GALNTL6: variants seen among roughly 807,000 people sequenced by gnomAD.
GALNTL6 encodes polypeptide N-acetylgalactosaminyltransferase-like 6.
Under a neutral mutation model 73.7 loss-of-function variants are expected in GALNTL6, and 46 were observed. The observed-to-expected ratio is 0.62, with a 90% CI of 0.49 to 0.80. The LOEUF is 0.80. GALNTL6 is among the 30% of genes least tolerant of loss of function. The pLI is 0.00. For synonymous variants in GALNTL6, 259 were observed against 263.7 expected (o/e 0.98, Z 0.17); for missense variants, 604 against 755.0 (o/e 0.80, Z 2.34).
intron 5 of GALNTL6, among the ~76,000 whole-genome samples, chr4:172,365,814 A>G (rs983160589): frequency 1.3e-5 from 2 of 152,208 alleles, no homozygotes; most frequent in Non-Finnish European, 2.9e-5. Context: ...CTTGACAAAA[A>G]TCAAAGACAT....
intron 2 of GALNTL6, among the ~76,000 whole-genome samples, chr4:172,062,415 G>T (rs1006409457): frequency 3.9e-5 from 6 of 152,110 alleles, no homozygotes; most frequent in African/African-American, 1.2e-4. Context: ...AAGCTCAACT[G>T]TGCTAATATT....
chr4:172,865,123 G>C (rs1171906974), intron 7 of GALNTL6, among the ~76,000 whole-genome samples: 1 of 152,206 alleles, frequency 6.6e-6, no homozygotes, highest in Admixed American at 6.5e-5. Flanking sequence ...AAGCAGAGCA[G>C]AAAATTCATT....
rs143377083 is a variant in GALNTL6, at chr4:172,382,011, C to A, written c.553+33322C>A. Among the ~76,000 whole-genome samples, 860 of 152,234 alleles carry A rather than the reference C, an allele frequency of 5.6e-3. 8 individuals are homozygous for A. Among genetic ancestry groups the A allele is most frequent in the African/African-American group, 0.019 (803 of 41,528 alleles). On this transcript the variant is annotated intron_variant, in intron 5 of 12. Transcript: ENST00000506823. ...TGAGATGGAGTTTCGCTCTTGTTGCCCAGGCTGGAGTGCAATGGCACGATC... is the reference window on the plus strand; with the variant it reads ...TGAGATGGAGTTTCGCTCTTGTTGCACAGGCTGGAGTGCAATGGCACGATC...
intron 5 of GALNTL6, among the ~76,000 whole-genome samples, chr4:172,730,129 A>G (rs1293581625): frequency 6.6e-6 from 1 of 152,046 alleles, no homozygotes; most frequent in African/African-American, 2.4e-5. Flanking sequence ...CAGTTTTTTG[A>G]TGGAGTCTTT....
intron 2 of GALNTL6, among the ~76,000 whole-genome samples, chr4:172,160,478 A>G (rs1018750253): frequency 1.5e-4 from 23 of 152,112 alleles, no homozygotes; most frequent in Non-Finnish European, 3.1e-4. Context: ...TGTGGGCCTT[A>G]GAAGATCTTA....
intron 2 of GALNTL6, among the ~76,000 whole-genome samples, chr4:172,223,273 A>G (rs1220549418): frequency 1.3e-5 from 2 of 152,074 alleles, no homozygotes; most frequent in Non-Finnish European, 2.9e-5. Flanking sequence ...AAATAACAAG[A>G]TAATTCTTTC....
intron 5 of GALNTL6, among the ~76,000 whole-genome samples, chr4:172,575,895 T>A (rs887029574): frequency 4.6e-5 from 7 of 152,176 alleles, no homozygotes; most frequent in African/African-American, 1.7e-4. Flanking sequence ...TGTGTGATGT[T>A]GGTTAATTAT....
chr4:171,934,745 G>A (rs995070907), intron 2 of GALNTL6, among the ~76,000 whole-genome samples: 2 of 152,064 alleles, frequency 1.3e-5, no homozygotes, highest in African/African-American at 2.4e-5. Flanking sequence ...TTTCACTAAC[G>A]AAGTGGTTCA....
At chr4:172,738,736 T>C (rs1190763200) in intron 5 of GALNTL6, among the ~76,000 whole-genome samples, 2 of 152,124 alleles carry the variant, frequency 1.3e-5, no homozygotes, top group African/African-American at 2.4e-5. Flanking sequence ...ACAGCTTGGT[T>C]TTATACATTT....
At chr4:171,909,355 G>C (rs113625938) in intron 2 of GALNTL6, among the ~76,000 whole-genome samples, 1,998 of 152,134 alleles carry the variant, frequency 0.013, 50 homozygotes, top group African/African-American at 0.045. Flanking sequence ...GGTTATAAAA[G>C]AGAGAAACTC....
intron 8 of GALNTL6, among the ~76,000 whole-genome samples, chr4:172,920,308 T>G (rs192890145): frequency 1.0e-3 from 159 of 152,338 alleles, no homozygotes; most frequent in Middle Eastern, 0.01. Context: ...TCCAGATTTC[T>G]GTGAATAAAG....
intron 2 of GALNTL6, among the ~76,000 whole-genome samples, chr4:171,905,919 G>T (rs1055503743): frequency 6.6e-6 from 1 of 150,474 alleles, no homozygotes; most frequent in African/African-American, 2.5e-5. Flanking sequence ...AATGAAGGCA[G>T]AAATAAAGAT....
At chr4:172,988,946 CA>C (rs1217579391) in intron 10 of GALNTL6, among the ~76,000 whole-genome samples, 2 of 152,358 alleles carry the variant, frequency 1.3e-5, no homozygotes, top group East Asian at 1.9e-4. Context: ...AAGTCTGCTG[CA>C]GGGGCCTGCA....
chr4:172,667,994 C>G (rs1229623775), intron 5 of GALNTL6: 1 of 152,176 alleles, frequency 6.6e-6, no homozygotes, highest in East Asian at 1.9e-4. Flanking sequence ...TTGGGATCTA[C>G]TTATGATAGC....
At chr4:172,357,155 C>T (rs1202793630) in intron 5 of GALNTL6, among the ~76,000 whole-genome samples, 1 of 152,062 alleles carries the variant, frequency 6.6e-6, no homozygotes, top group Non-Finnish European at 1.5e-5. Flanking sequence ...CGCCTTCCTC[C>T]TGGAGAAAAC....
At chr4:172,808,015 G>T (rs969230997) in intron 5 of GALNTL6, among the ~76,000 whole-genome samples, 1 of 152,046 alleles carries the variant, frequency 6.6e-6, no homozygotes, top group Non-Finnish European at 1.5e-5. Flanking sequence ...TAAAGACTGG[G>T]TTTCACCATG....
Position 172,278,132 on chromosome 4 carries a change from T to C in GALNTL6, c.248-33482T>C, listed in dbSNP as rs143118287. ...TTCCTATTATTGCAGATGAGAATTT[T>C]ATCTCTTATGTCCTTTCTTCCCATT... is the stretch of plus-strand genomic sequence containing the variant. On this transcript the variant is annotated intron_variant, in intron 3 of 12. Coordinates refer to ENST00000506823, the MANE Select transcript of GALNTL6 (RefSeq NM_001034845.3). Among the ~76,000 whole-genome samples the C allele has an allele frequency of 4.0e-3, 602 of 152,312 alleles. 3 individuals carry two copies. The highest frequency in any genetic ancestry group is 0.014 in the African/African-American group (574 of 41,568).
chr4:171,883,739 C>T (rs1736526955), intron 2 of GALNTL6, among the ~76,000 whole-genome samples: 2 of 151,998 alleles, frequency 1.3e-5, no homozygotes. Flanking sequence ...GCTCCGCCTC[C>T]CGGGTTCACG....
chr4:172,817,717 T>G (rs1431320884), intron 7 of GALNTL6, among the ~76,000 whole-genome samples: 1 of 152,182 alleles, frequency 6.6e-6, no homozygotes, highest in African/African-American at 2.4e-5. Flanking sequence ...TAAGAAATTA[T>G]CTTGTCCAAA....
Sources: gnomAD v4.1 joint callset for allele counts (sites outside exome capture counted in the v4.1 genomes callset) on GRCh38, gnomAD v4.1.1 for gene constraint, MANE v1.5 for transcripts, NCBI Gene and HGNC (gene_info 2026-07-23, HGNC 2026-07-21) for gene names.